Variants in ADAMTSL1 observed in about 807,000 individuals in gnomAD.
ADAMTSL1 encodes the protein ADAMTS-like protein 1.
ADAMTSL1 carries 126 observed loss-of-function variants against 201.8 expected under a neutral mutation model. The ratio of observed to expected loss-of-function variants is 0.62; its 90% confidence interval spans 0.54 to 0.72. The LOEUF is 0.72. Ranked by LOEUF, ADAMTSL1 falls within the 30% of genes least tolerant of loss-of-function variation. ADAMTSL1 has a pLI of 0.00. For synonymous variants in ADAMTSL1, 1,121 were observed against 903.4 expected, an observed-to-expected ratio of 1.24 and a Z score of -4.32; for missense variants, 2,679 against 2,277.8, an observed-to-expected ratio of 1.18 and a Z score of -3.59.
chr9:18,121,065 G>A (rs527337616), intron 1 of ADAMTSL1, among the ~76,000 whole-genome samples: 10 of 152,058 alleles, frequency 6.6e-5, no homozygotes, highest in Non-Finnish European at 1.0e-4. Context: ...TTAAAAAACC[G>A]TAGTTTAAGA....
intron 2 of ADAMTSL1, among the ~76,000 whole-genome samples, chr9:18,346,014 C>T (rs900795104): frequency 6.6e-6 from 1 of 152,140 alleles, no homozygotes; most frequent in Non-Finnish European, 1.5e-5. Flanking sequence ...ACTCTCTGGT[C>T]CTGCTCTGTT....
At chr9:17,984,793 G>A (rs1449784313) in intron 1 of ADAMTSL1, among the ~76,000 whole-genome samples, 4 of 152,076 alleles carry the variant, frequency 2.6e-5, no homozygotes, top group Non-Finnish European at 4.4e-5. Flanking sequence ...AAATGAATGC[G>A]TAGCTGTAGT....
intron 1 of ADAMTSL1, among the ~76,000 whole-genome samples, chr9:18,045,632 A>G (rs1291972887): frequency 6.6e-6 from 1 of 152,144 alleles, no homozygotes; most frequent in African/African-American, 2.4e-5. Context: ...ATTCTCACAT[A>G]TAGTGATAGG....
chr9:17,914,719 A>G (rs1186061924), intron 1 of ADAMTSL1, among the ~76,000 whole-genome samples: 1 of 152,008 alleles, frequency 6.6e-6, no homozygotes, highest in Non-Finnish European at 1.5e-5. Context: ...TTAGGAAAAG[A>G]GGAAGTCAAA....
chr9:18,667,008 G>T (rs1362652651), intron 9 of ADAMTSL1, among the ~76,000 whole-genome samples: 1 of 150,848 alleles, frequency 6.6e-6, no homozygotes, highest in Non-Finnish European at 1.5e-5. Flanking sequence ...AGTAATGAAG[G>T]GGGCTTAAAT....
At chr9:18,287,676 C>T (rs115754765) in intron 2 of ADAMTSL1, among the ~76,000 whole-genome samples, 9,241 of 150,514 alleles carry the variant, frequency 0.061, 965 homozygotes, top group African/African-American at 0.21. Flanking sequence ...TATGTGTATA[C>T]ATACATAAAT....
chr9:18,231,113 G>T (rs1393763549), intron 2 of ADAMTSL1, among the ~76,000 whole-genome samples: 1 of 151,976 alleles, frequency 6.6e-6, no homozygotes, highest in African/African-American at 2.4e-5. Flanking sequence ...GTCTTTTATT[G>T]CAACCCCCGG....
At chr9:18,609,936 C>T (rs1429180412) in intron 4 of ADAMTSL1, among the ~76,000 whole-genome samples, 1 of 152,172 alleles carries the variant, frequency 6.6e-6, no homozygotes, top group African/African-American at 2.4e-5. Flanking sequence ...TGAACTCGTA[C>T]TGAGAGTGAT....
chr9:18,876,681 T>C (rs1188219282), intron 23 of ADAMTSL1, among the ~76,000 whole-genome samples: 2 of 152,186 alleles, frequency 1.3e-5, no homozygotes, highest in Non-Finnish European at 2.9e-5. Flanking sequence ...TGTAGCTCTT[T>C]AGATTCTTTC....
At chr9:18,208,682 C>G (rs545041636) in intron 2 of ADAMTSL1, among the ~76,000 whole-genome samples, 1 of 152,248 alleles carries the variant, frequency 6.6e-6, no homozygotes, top group South Asian at 2.1e-4. Flanking sequence ...ACTGAGAGCA[C>G]ATAGCCAGCA....
At chr9:18,385,170 C>T (rs1837740854) in intron 2 of ADAMTSL1, among the ~76,000 whole-genome samples, 1 of 152,152 alleles carries the variant, frequency 6.6e-6, no homozygotes, top group East Asian at 1.9e-4. Flanking sequence ...GGCTATTTTT[C>T]TCTTTTACCC....
chr9:18,215,915 GTTGTC>G (rs1485696181), intron 2 of ADAMTSL1, among the ~76,000 whole-genome samples: 1 of 152,144 alleles, frequency 6.6e-6, no homozygotes, highest in Non-Finnish European at 1.5e-5. Context: ...GGAATTTTGG[GTTGTC>G]TTCTTTCCAA....
chr9:18,450,028 A>G (rs917721125), intron 2 of ADAMTSL1, among the ~76,000 whole-genome samples: 1 of 152,220 alleles, frequency 6.6e-6, no homozygotes, highest in Non-Finnish European at 1.5e-5. Flanking sequence ...CTAGGTATTT[A>G]TACAAGAGAA....
chr9:18,455,968 C>T (rs761616113), intron 2 of ADAMTSL1, among the ~76,000 whole-genome samples: 3 of 152,152 alleles, frequency 2.0e-5, no homozygotes, highest in Non-Finnish European at 4.4e-5. Context: ...TTATCTCTGA[C>T]TAAAAGCCCT....
At chr9:18,768,934 A>G (rs1397451138) in intron 16 of ADAMTSL1, among the ~76,000 whole-genome samples, 1 of 152,230 alleles carries the variant, frequency 6.6e-6, no homozygotes, top group Admixed American at 6.5e-5. Flanking sequence ...ATCTGGGGAA[A>G]AATTACTTGG....
intron 23 of ADAMTSL1, among the ~76,000 whole-genome samples, chr9:18,862,029 C>A (rs1827244461): frequency 6.6e-6 from 1 of 152,158 alleles, no homozygotes; most frequent in South Asian, 2.1e-4. Context: ...TAGCTCCACC[C>A]CCACTGCTCA....
intron 1 of ADAMTSL1, among the ~76,000 whole-genome samples, chr9:18,015,535 A>G (rs1820220820): frequency 6.6e-6 from 1 of 152,230 alleles, no homozygotes; most frequent in South Asian, 2.1e-4. Context: ...TGATACAAGG[A>G]CTACACACTC....
chr9:18,521,070 A>G (rs1269313225), intron 2 of ADAMTSL1, among the ~76,000 whole-genome samples: 2 of 152,178 alleles, frequency 1.3e-5, no homozygotes, highest in African/African-American at 2.4e-5. Flanking sequence ...GCTTTGTTCA[A>G]TGAAGGAGAT....
chr9:17,907,033 C>G (rs1362279004), intron 1 of ADAMTSL1: 1 of 152,714 alleles, frequency 6.5e-6, no homozygotes, highest in Non-Finnish European at 1.5e-5. Context: ...GAAGGTCCAT[C>G]CTGGGGCTGC....
Sources: gnomAD v4.1 joint callset for allele counts (sites outside exome capture counted in the v4.1 genomes callset) on GRCh38, gnomAD v4.1.1 for gene constraint, MANE v1.5 for transcripts, NCBI Gene and HGNC (gene_info 2026-07-23, HGNC 2026-07-21) for gene names.